The following RBFOX1 variants were observed in gnomAD, a reference collection of about 807,000 sequenced individuals.
RBFOX1 encodes the protein RNA binding protein fox-1 homolog 1.
RBFOX1 carries 8 observed loss-of-function variants against 57.7 expected under a neutral mutation model. The observed-to-expected ratio is 0.14, with a 90% CI of 0.08 to 0.25. RBFOX1 has a LOEUF of 0.25. Among genes scored for constraint, RBFOX1 ranks in the 10% least tolerant of loss-of-function variants. The pLI, the probability that RBFOX1 is intolerant of heterozygous loss-of-function variation, is 1.00. For synonymous variants in RBFOX1, 326 were observed against 222.4 expected (o/e 1.47, Z -4.15); for missense variants, 611 against 548.5 (o/e 1.11, Z -1.14).
At chr16:5,569,721 G>A (rs974135958) in intron 2 of RBFOX1, among the ~76,000 whole-genome samples, 7 of 151,944 alleles carry the variant, frequency 4.6e-5, no homozygotes, top group East Asian at 3.9e-4. Flanking sequence ...TTCAGTTGAC[G>A]AGTTCCCCCT....
chr16:6,339,368 T>G (rs1376946637), intron 2 of RBFOX1, among the ~76,000 whole-genome samples: 1 of 152,196 alleles, frequency 6.6e-6, no homozygotes, highest in Admixed American at 6.5e-5. Context: ...TAGGAGACAC[T>G]GGGTTACAGC....
chr16:6,641,389 C>T (rs997222847), intron 2 of RBFOX1, among the ~76,000 whole-genome samples: 3 of 152,160 alleles, frequency 2.0e-5, no homozygotes, highest in African/African-American at 7.2e-5. Context: ...TCCAAGGGAG[C>T]ATTGCTGTTT....
chr16:5,545,495 T>C (rs1384859129), intron 2 of RBFOX1, among the ~76,000 whole-genome samples: 1 of 152,054 alleles, frequency 6.6e-6, no homozygotes, highest in Non-Finnish European at 1.5e-5. Context: ...TACAGCAATA[T>C]ATAAAAAGGG....
chr16:6,191,484 G>C (rs1433228294), intron 1 of RBFOX1, among the ~76,000 whole-genome samples: 1 of 152,106 alleles, frequency 6.6e-6, no homozygotes, highest in Non-Finnish European at 1.5e-5. Flanking sequence ...GATAAGTGAT[G>C]TTTACCATGC....
At chr16:7,340,615 G>T (rs1381708172) in intron 4 of RBFOX1, among the ~76,000 whole-genome samples, 1 of 152,136 alleles carries the variant, frequency 6.6e-6, no homozygotes, top group African/African-American at 2.4e-5. Context: ...GTGTTTCTCA[G>T]ATTCATGATC....
chr16:7,303,405 A>C (rs1467544907), intron 4 of RBFOX1, among the ~76,000 whole-genome samples: 2 of 152,070 alleles, frequency 1.3e-5, no homozygotes, highest in African/African-American at 2.4e-5. Context: ...GGAATCCGGC[A>C]AACGCACCGC....
At chr16:7,343,462 C>A (rs994490439) in intron 4 of RBFOX1, among the ~76,000 whole-genome samples, 2 of 152,102 alleles carry the variant, frequency 1.3e-5, no homozygotes, top group African/African-American at 2.4e-5. Context: ...AGTACAAGGG[C>A]TTTGTTGAGG....
chr16:7,302,398 C>T (rs1276673499), intron 4 of RBFOX1, among the ~76,000 whole-genome samples: 1 of 152,112 alleles, frequency 6.6e-6, no homozygotes, highest in Non-Finnish European at 1.5e-5. Context: ...GGTTCAGAGC[C>T]TTCATTTGGC....
intron 3 of RBFOX1, chr16:6,873,972 T>C (rs917585132): frequency 3.3e-5 from 5 of 152,170 alleles, no homozygotes; most frequent in African/African-American, 1.2e-4. Flanking sequence ...TGCACAACGA[T>C]GACATGGGAA....
intron 4 of RBFOX1, among the ~76,000 whole-genome samples, chr16:7,279,903 T>A (rs2095508117): frequency 6.6e-6 from 1 of 152,214 alleles, no homozygotes. Context: ...TGGCTCATTA[T>A]GGTCCTGATC....
intron 3 of RBFOX1, among the ~76,000 whole-genome samples, chr16:6,860,910 T>G (rs1049716659): frequency 2.6e-5 from 4 of 152,222 alleles, no homozygotes; most frequent in African/African-American, 7.2e-5. Context: ...TATATGTATT[T>G]ATATATGAAT....
intron 3 of RBFOX1, among the ~76,000 whole-genome samples, chr16:5,822,067 G>C (rs2055876447): frequency 1.3e-5 from 2 of 152,180 alleles, no homozygotes; most frequent in African/African-American, 4.8e-5. Context: ...TTTATAAATT[G>C]GGTTGGTTCC....
intron 2 of RBFOX1, among the ~76,000 whole-genome samples, chr16:6,385,184 G>A (rs1441424106): frequency 1.3e-5 from 2 of 152,186 alleles, no homozygotes; most frequent in Admixed American, 1.3e-4. Context: ...AGATAAAGCT[G>A]TTAAAGCTGG....
chr16:5,654,805 C>A (rs188609552), intron 3 of RBFOX1, among the ~76,000 whole-genome samples: 2 of 152,068 alleles, frequency 1.3e-5, no homozygotes, highest in Non-Finnish European at 2.9e-5. Context: ...CTCTCTCTCT[C>A]TGTCCCTCGC....
intron 2 of RBFOX1, among the ~76,000 whole-genome samples, chr16:6,383,798 A>G (rs1471471123): frequency 6.6e-6 from 1 of 152,060 alleles, no homozygotes; most frequent in East Asian, 1.9e-4. Flanking sequence ...GAAAAACAGC[A>G]CAACAAACAA....
intron 4 of RBFOX1, among the ~76,000 whole-genome samples, chr16:7,423,687 C>T (rs542549811): frequency 1.3e-5 from 2 of 152,146 alleles, no homozygotes; most frequent in Non-Finnish European, 2.9e-5. Context: ...GGTTCTGATT[C>T]GCTGACCTGC....
chr16:6,316,154 G>T (rs892899561), intron 1 of RBFOX1, among the ~76,000 whole-genome samples: 3 of 152,068 alleles, frequency 2.0e-5, no homozygotes, highest in Admixed American at 6.6e-5. Flanking sequence ...TTTCTCCCCA[G>T]AGAGGAAACA....
At chr16:5,864,822 G>T (rs1256919610) in intron 3 of RBFOX1, among the ~76,000 whole-genome samples, 2 of 152,176 alleles carry the variant, frequency 1.3e-5, no homozygotes, top group Admixed American at 1.3e-4. Flanking sequence ...GCTTTAGCTA[G>T]TGGGCAATCA....
chr16:5,640,576 C>G (rs537307530), intron 3 of RBFOX1, among the ~76,000 whole-genome samples: 25 of 151,780 alleles, frequency 1.6e-4, no homozygotes, highest in African/African-American at 6.0e-4. Flanking sequence ...TATGCACACA[C>G]ATACACAGAT....
Sources: gnomAD v4.1 joint callset for allele counts (sites outside exome capture counted in the v4.1 genomes callset) on GRCh38, gnomAD v4.1.1 for gene constraint, MANE v1.5 for transcripts, NCBI Gene and HGNC (gene_info 2026-07-23, HGNC 2026-07-21) for gene names.